The following EIF2AK2 variants were observed in gnomAD, a reference collection of about 807,000 sequenced individuals.
EIF2AK2 encodes the protein eukaryotic translation initiation factor 2 alpha kinase 2, also known as interferon-induced, double-stranded RNA-activated protein kinase.
Under a neutral mutation model 70.5 loss-of-function variants are expected in EIF2AK2, and 40 were observed. That is an observed-to-expected ratio of 0.57 (90% CI 0.44 to 0.74). The LOEUF (loss-of-function observed/expected upper bound fraction) is 0.74, where lower values mean the gene tolerates loss of function less well. Among genes scored for constraint, EIF2AK2 ranks in the 30% least tolerant of loss-of-function variants. The pLI is 0.00. For missense variants in EIF2AK2, 555 were observed against 644.3 expected, an observed-to-expected ratio of 0.86 and a Z score of 1.50; for synonymous variants, 198 against 220.9, an observed-to-expected ratio of 0.90 and a Z score of 0.92.
intron 4 of EIF2AK2, among the ~76,000 whole-genome samples, chr2:37,145,888 G>A (rs1421209708): frequency 1.3e-5 from 2 of 150,772 alleles, no homozygotes; most frequent in Non-Finnish European, 2.9e-5. Context: ...AAGTAGCTGG[G>A]ATTACAGGCG....
rs879815936 is a variant in EIF2AK2 at position 37,108,601 on chromosome 2, A to C, written c.1479+593T>G. Among the ~76,000 whole-genome samples the C allele has an allele frequency of 8.5e-5, 13 of 152,200 alleles. No individual in the cohort carries two copies. In the South Asian group the frequency reaches 1.2e-3, roughly 15 times the overall value. On this transcript the variant is annotated intron_variant, in intron 15 of 16. Transcript: ENST00000233057. ...TTTATTTATTTAGAGATGGAATGTC[A>C]CTCTGTCACCCAGGCTGGAGTGCAG...
rs1673806649 is a variant in EIF2AK2, at chr2:37,100,678, AGT to A, written c.*6593_*6594del. The A allele has an allele frequency of 6.6e-6, 1 of 152,224 alleles. No homozygotes were observed. Among genetic ancestry groups the A allele is most frequent in the Admixed American group, 6.5e-5 (1 of 15,278 alleles). 9.4% of individuals were successfully genotyped at this position (152,224 alleles called of 1,614,324 possible). A position where few individuals can be genotyped will look rare whatever the true frequency, so the allele number is the denominator to read the frequency against. The stretch of plus-strand genomic sequence containing the variant: ...CCTGGATGGCCGTTTAGAGAGAAAG[AGT>A]TAACATTTCAGTGGAGACCTTTCCT... On this transcript the variant is annotated 3_prime_UTR_variant, in exon 17 of 17. Transcript: ENST00000233057.
intron 9 of EIF2AK2, 32 bp from the exon 10 acceptor site, chr2:37,135,578 A>T (rs1483059866): frequency 9.0e-6 from 14 of 1,553,918 alleles, no homozygotes; most frequent in Non-Finnish European, 1.2e-5. Flanking sequence ...TAAAACTCAA[A>T]TAAAATTGAA....
At chr2:37,131,342 A>T (rs1674932518) in intron 10 of EIF2AK2, among the ~76,000 whole-genome samples, 1 of 152,222 alleles carries the variant, frequency 6.6e-6, no homozygotes, top group African/African-American at 2.4e-5. Flanking sequence ...ATATTCTTCA[A>T]AACAACTAGA....
chr2:37,147,817 C>A lies in EIF2AK2; in HGVS notation c.-11G>T. On this transcript the variant is annotated 5_prime_UTR_variant, in exon 3 of 17. Coordinates refer to ENST00000233057, the MANE Select transcript of EIF2AK2 (RefSeq NM_001135651.3). Reference sequence around the variant, plus strand: ...AAGATCACCAGCCATTTCTTCTTCCCGTATCCTACAATGGAAGAGACATTT... The same window carrying A: ...AAGATCACCAGCCATTTCTTCTTCCAGTATCCTACAATGGAAGAGACATTT... The A allele has an allele frequency of 6.3e-7, 1 of 1,585,306 alleles. No individual in the cohort carries two copies. Among genetic ancestry groups the A allele is most frequent in the South Asian group, 1.1e-5 (1 of 90,438 alleles).
At chr2:37,139,062 A>T (rs1019385201) in intron 6 of EIF2AK2, among the ~76,000 whole-genome samples, 5 of 151,780 alleles carry the variant, frequency 3.3e-5, no homozygotes, top group African/African-American at 9.7e-5. Context: ...CAAGCCTGTA[A>T]ACCCCAGCAC....
rs1434675732 is a variant in EIF2AK2, at chr2:37,102,367, C to A, written c.*4906G>T. On this transcript the variant is annotated 3_prime_UTR_variant, in exon 17 of 17. Coordinates refer to ENST00000233057, the MANE Select transcript of EIF2AK2 (RefSeq NM_001135651.3). ...GGGTGATGGGTAGAGTTTCATTATT[C>A]TATTTTTGTGTATGTTTGAACATAA... is the stretch of plus-strand genomic sequence containing the variant. 6.6e-6 allele frequency: 1 copy of A among 152,050 alleles called. No individual in the cohort carries two copies. The highest frequency in any genetic ancestry group is 1.5e-5 in the Non-Finnish European group (1 of 67,990). The allele number at this position is 152,050 out of a possible 1,614,324, so 9.4% of individuals were successfully genotyped here.
At chr2:37,118,981 A>G (rs1316612133) in intron 13 of EIF2AK2, among the ~76,000 whole-genome samples, 1 of 152,212 alleles carries the variant, frequency 6.6e-6, no homozygotes, top group Non-Finnish European at 1.5e-5. Context: ...GGCTCAGTAA[A>G]GGAATTACAA....
intron 1 of EIF2AK2, among the ~76,000 whole-genome samples, chr2:37,156,120 G>A (rs971793428): frequency 3.9e-5 from 6 of 151,984 alleles, no homozygotes; most frequent in African/African-American, 9.7e-5. Context: ...GATAAGGGAG[G>A]GATTTCCCCA....
At position 37,106,764 on chromosome 2, in the gene EIF2AK2, C is replaced by T. The variant is rs1466032156; in HGVS notation, c.*509G>A. On this transcript the variant is annotated 3_prime_UTR_variant, in exon 17 of 17. Coordinates refer to ENST00000233057, the MANE Select transcript of EIF2AK2 (RefSeq NM_001135651.3). ...CCATCTTTAGAACAAAGAGATGAGG[C>T]TGGGCGCGGTGGCTCATCCCTGTAA... 2 of 152,192 alleles carry T rather than the reference C, an allele frequency of 1.3e-5. No homozygotes were observed. The highest frequency in any genetic ancestry group is 1.3e-4 in the Admixed American group (2 of 15,252). 9.4% of individuals were successfully genotyped at this position (152,192 alleles called of 1,614,324 possible). A position where few individuals can be genotyped will look rare whatever the true frequency, so the allele number is the denominator to read the frequency against.
chr2:37,140,869 A>T (rs1433764794), intron 5 of EIF2AK2, among the ~76,000 whole-genome samples: 2 of 150,486 alleles, frequency 1.3e-5, no homozygotes, highest in African/African-American at 2.5e-5. Flanking sequence ...CCATGTAGAT[A>T]TTTTTTTTCT....
chr2:37,117,211 C>CAA (rs534964659), intron 13 of EIF2AK2, among the ~76,000 whole-genome samples: 7 of 44,254 alleles, frequency 1.6e-4, no homozygotes, highest in African/African-American at 2.6e-4. Context: ...GACTCTGTCT[C>CAA]AAAAAAAAAA....
rs765095885 is a variant in EIF2AK2 at position 37,126,247 on chromosome 2, C to G, written c.908+42G>C. 7.8e-6 allele frequency: 12 copies of G among 1,539,274 alleles called. No homozygotes were observed. In the South Asian group the frequency reaches 1.5e-4, roughly 19 times the overall value. ...ATAAAAAAGAATAGTGCAGATTCAG[C>G]GTACCTTGCCATTCAAAAAAATGTA... On this transcript the variant is annotated intron_variant, in intron 11 of 16. Coordinates refer to ENST00000233057, the MANE Select transcript of EIF2AK2 (RefSeq NM_001135651.3).
rs1673916720 is a variant in EIF2AK2 at position 37,104,892 on chromosome 2, G to A, written c.*2381C>T. On this transcript the variant is annotated 3_prime_UTR_variant, in exon 17 of 17. Coordinates refer to ENST00000233057, the MANE Select transcript of EIF2AK2 (RefSeq NM_001135651.3). ...ATAATGTTAGGGTGTTCCACCTTGG[G>A]TGATGCTAAATTGAATCACTTGGTT... 6.6e-6 allele frequency: 1 copy of A among 152,162 alleles called. No individual in the cohort carries two copies. 9.4% of individuals were successfully genotyped at this position (152,162 alleles called of 1,614,324 possible).
chr2:37,120,244 CCTTATCTT>C, intron 12 of EIF2AK2, 105 bp from the exon 13 acceptor site: 1 of 796,928 alleles, frequency 1.3e-6, no homozygotes, highest in Admixed American at 4.4e-5. Context: ...AAAGCTTATA[CCTTATCTT>C]CTTAAGAACC....
chr2:37,135,828 C>T (rs997968062), intron 9 of EIF2AK2, among the ~76,000 whole-genome samples: 15 of 152,182 alleles, frequency 9.9e-5, no homozygotes, highest in African/African-American at 3.6e-4. Flanking sequence ...GACAGGGTCT[C>T]TTCATGTTAC....
Position 37,106,184 on chromosome 2 carries a change from G to T in EIF2AK2, c.*1089C>A, listed in dbSNP as rs1451487914. On this transcript the variant is annotated 3_prime_UTR_variant, in exon 17 of 17. Transcript: ENST00000233057. ...ATTATTGTCTCATCACATTTGTTGG[G>T]TTTTTTATACAAAATGATTTAGTTT... 4.0e-5 allele frequency: 6 copies of T among 151,892 alleles called. No individual in the cohort carries two copies. Among genetic ancestry groups the T allele is most frequent in the Non-Finnish European group, 7.4e-5 (5 of 67,994 alleles). 9.4% of individuals were successfully genotyped at this position (151,892 alleles called of 1,614,324 possible). A position where few individuals can be genotyped will look rare whatever the true frequency, so the allele number is the denominator to read the frequency against.
At chr2:37,111,933 C>CTATATA (rs1391418376) in intron 14 of EIF2AK2, among the ~76,000 whole-genome samples, 1 of 134,060 alleles carries the variant, frequency 7.5e-6, no homozygotes, top group Non-Finnish European at 1.6e-5. Context: ...CTCTCTCTCT[C>CTATATA]TCTCTCTATA....
rs750967413 is a variant in EIF2AK2, at chr2:37,135,486, C to T, written c.783G>A (p.Lys261=). The T allele has an allele frequency of 3.3e-5, 53 of 1,605,600 alleles. No individual in the cohort carries two copies. The Admixed American group carries it at 6.7e-4, about 20-fold the overall frequency. Residue 261 remains lysine (K), a splice_region_variant and synonymous_variant, in exon 10 of 17, where the codon AAG becomes AAA. Transcript: ENST00000233057. ...DMKETKYTVD[K]RFGMDFKEIE... is the part of the protein sequence containing the mutation. ...TTCTTCAGCACTTAAAATCTTACCT[C>T]TTGTCCACAGTATACTTTGTTTCTT...
Sources: gnomAD v4.1 joint callset for allele counts (sites outside exome capture counted in the v4.1 genomes callset) on GRCh38, gnomAD v4.1.1 for gene constraint, MANE v1.5 for transcripts, NCBI Gene and HGNC (gene_info 2026-07-23, HGNC 2026-07-21) for gene names.